The following SLC5A6 variants were observed in gnomAD, a reference collection of about 807,000 sequenced individuals.
SLC5A6 encodes the protein sodium-dependent multivitamin transporter.
A neutral mutation model predicts 67.9 loss-of-function variants in SLC5A6; 31 were observed. The observed-to-expected ratio is 0.46, with a 90% CI of 0.34 to 0.62. The LOEUF (loss-of-function observed/expected upper bound fraction) is 0.62, where lower values mean the gene tolerates loss of function less well. Ranked by LOEUF, SLC5A6 falls within the 20% of genes least tolerant of loss-of-function variation. The probability of loss-of-function intolerance (pLI) is 0.01; values close to 1 mark genes in which losing one functional copy is unlikely to be tolerated. For synonymous variants in SLC5A6, 343 were observed against 331.0 expected (o/e 1.04, Z -0.39); for missense variants, 673 against 812.8 (o/e 0.83, Z 2.09).
At chr2:27,200,683 C>T in intron 16 of SLC5A6, 104 bp from the exon 17 acceptor site, 1 of 1,220,682 alleles carries the variant, frequency 8.2e-7, no homozygotes, top group Non-Finnish European at 1.1e-6. Flanking sequence ...CCCAGCAAGG[C>T]TGGGTTCGGG....
In SLC5A6 at chr2:27,205,470, A is replaced by C; in HGVS notation, c.614T>G (p.Phe205Cys). The C allele has an allele frequency of 1.2e-6, 2 of 1,614,208 alleles. No homozygotes were observed. Among genetic ancestry groups the C allele is most frequent in the Non-Finnish European group, 1.7e-6 (2 of 1,180,032 alleles). The change falls in exon 7 of 17, where the codon TTC (phenylalanine) becomes TGC (cysteine). Residue 205 changes from phenylalanine (F) to cysteine (C), a missense_variant. Phe to Cys is a radical substitution (Grantham distance 205). Coordinates refer to ENST00000310574, the MANE Select transcript of SLC5A6 (RefSeq NM_021095.4). Reference protein sequence around the residue: ...GLKAVIWTDVFQTLVMFLGQL... With the variant: ...GLKAVIWTDVCQTLVMFLGQL... The stretch of plus-strand genomic sequence containing the variant: ...CCCGAGGAACATGACCAGTGTCTGG[A>C]ACACATCTGTCCAGATGACGGCCTT...
At chr2:27,205,212 G>T in intron 7 of SLC5A6, 138 bp downstream of exon 7, 1 of 867,346 alleles carries the variant, frequency 1.2e-6, no homozygotes, top group Non-Finnish European at 1.8e-6. Context: ...CATCTCTGCA[G>T]GACCAGTTTC....
upstream of SLC5A6, chr2:27,212,318 G>GGGGCCGCGGGGCC (rs1178461958): frequency 1.3e-6 from 2 of 1,549,070 alleles, no homozygotes; most frequent in Non-Finnish European, 8.7e-7. Context: ...GCTGCGGGGC[G>GGGGCCGCGGGGCC]GGGCCGCGGG....
intron 16 of SLC5A6, 90 bp downstream of exon 16, chr2:27,200,908 G>C (rs1673574391): frequency 1.2e-6 from 1 of 829,578 alleles, no homozygotes; most frequent in South Asian, 1.6e-5. Flanking sequence ...CCCGGGGCAG[G>C]GGGAGAGAAA....
intron 8 of SLC5A6, 27 bp downstream of exon 8, chr2:27,204,764 C>G: frequency 6.2e-7 from 1 of 1,613,946 alleles, no homozygotes; most frequent in Non-Finnish European, 8.5e-7. Flanking sequence ...AGACCTTGCT[C>G]CACTCCCTTC....
intron 1 of SLC5A6, 182 bp downstream of exon 1, chr2:27,211,838 G>T (rs1391841719): frequency 1.5e-5 from 2 of 136,138 alleles, no homozygotes; most frequent in Non-Finnish European, 2.8e-5. Context: ...CCTTGTCCCC[G>T]CCCCGGCTCA....
At chr2:27,203,189 C>T in intron 11 of SLC5A6, 44 bp downstream of exon 11, 4 of 1,611,928 alleles carry the variant, frequency 2.5e-6, no homozygotes, top group Non-Finnish European at 3.4e-6. Context: ...CAGGATGAAG[C>T]TTAGAAAGAC....
rs1438746447 is a variant in SLC5A6 at position 27,202,053 on chromosome 2, T to C, written c.1297A>G (p.Met433Val). ...VLQAAISIFG[M>V]VGGPLLGLFC... is the part of the protein sequence containing the mutation. ...AGTCCCAGCAGCGGTCCCCCAACCATGCCAAAGATGCTGATTGCTGCCTAG... is the reference window on the plus strand; with the variant it reads ...AGTCCCAGCAGCGGTCCCCCAACCACGCCAAAGATGCTGATTGCTGCCTAG... The change falls in exon 13 of 17, where the codon ATG becomes GTG. Residue 433 changes from methionine (M) to valine (V), a missense_variant. Coordinates refer to ENST00000310574, the MANE Select transcript of SLC5A6 (RefSeq NM_021095.4). 2.5e-6 allele frequency: 4 copies of C among 1,613,838 alleles called. No homozygotes were observed. Among genetic ancestry groups the C allele is most frequent in the Non-Finnish European group, 3.4e-6 (4 of 1,179,896 alleles).
chr2:27,210,493 C>T (rs1674396461), intron 2 of SLC5A6, among the ~76,000 whole-genome samples: 1 of 150,704 alleles, frequency 6.6e-6, no homozygotes, highest in South Asian at 2.1e-4. Flanking sequence ...TGCAGTGACA[C>T]GATCTCGGCT....
rs1308259221 is a variant in SLC5A6 at position 27,204,496 on chromosome 2, T to C, written c.970A>G (p.Met324Val). ...GCTGCCTGAGCCTGCTGAATGCTCATGGGATACTCCTGGTAATACGCGAAC... is the reference window on the plus strand; with the variant it reads ...GCTGCCTGAGCCTGCTGAATGCTCACGGGATACTCCTGGTAATACGCGAAC... ...VMFAYYQEYP[M>V]SIQQAQAAPD... The change falls in exon 9 of 17, where the codon ATG (methionine) becomes GTG (valine). Residue 324 changes from methionine to valine, a missense_variant. Coordinates refer to ENST00000310574, the MANE Select transcript of SLC5A6 (RefSeq NM_021095.4). 4.3e-6 allele frequency: 7 copies of C among 1,613,838 alleles called. No individual in the cohort carries two copies. In the African/African-American group the frequency reaches 6.7e-5, roughly 15 times the overall value.
intron 2 of SLC5A6, among the ~76,000 whole-genome samples, chr2:27,211,218 A>G (rs1674469553): frequency 6.6e-6 from 1 of 152,160 alleles, no homozygotes; most frequent in South Asian, 2.1e-4. Flanking sequence ...TTAAAATGCT[A>G]ATAGCTACTA....
Position 27,204,583 on chromosome 2 carries a change from A to G in SLC5A6, c.883T>C (p.Tyr295His). 6.2e-7 allele frequency: 1 copy of G among 1,614,022 alleles called. No individual in the cohort carries two copies. Among genetic ancestry groups the G allele is most frequent in the Non-Finnish European group, 8.5e-7 (1 of 1,179,938 alleles). Residue 295 changes from tyrosine (Y) to histidine (H), a missense_variant, in exon 9 of 17, where the codon TAT becomes CAT. Physicochemically the swap from Tyr to His is moderately conservative, Grantham distance 83. Transcript: ENST00000310574. ...ACCTGCTGGAAGGGGAACACTGCAT[A>G]ACAGGAGCTGCAAAAGAGGTCAGTG... ...RTEKAAVLSC[Y>H]AVFPFQQVSL...
At position 27,212,101 on chromosome 2, in the gene SLC5A6, C is replaced by G. The variant is rs928120508; in HGVS notation, c.-289G>C. ...GCGGGGAACACCGGGCTGAGGGAGT[C>G]TGCAGTCGGCTCCGGGAAGCCGCGC... On this transcript the variant is annotated 5_prime_UTR_variant, in exon 1 of 17. Transcript: ENST00000310574. 2 of 1,457,238 alleles carry G rather than the reference C, an allele frequency of 1.4e-6. No individual in the cohort carries two copies. Among genetic ancestry groups the G allele is most frequent in the East Asian group, 2.7e-5 (1 of 37,330 alleles). The allele number at this position is 1,457,238 out of a possible 1,614,324, so 90.3% of individuals were successfully genotyped here.
chr2:27,203,952 G>A (rs1673847946), intron 9 of SLC5A6, 85 bp from the exon 10 acceptor site: 3 of 955,448 alleles, frequency 3.1e-6, no homozygotes, highest in Non-Finnish European at 4.9e-6. Flanking sequence ...CTTTACATGT[G>A]CCCCAGCGAG....
In SLC5A6 at chr2:27,200,120, C is replaced by T. The variant is rs1274104750; in HGVS notation, c.*316G>A. 4.2e-6 allele frequency: 1 copy of T among 237,868 alleles called. No individual in the cohort carries two copies. Among genetic ancestry groups the T allele is most frequent in the Non-Finnish European group, 8.1e-6 (1 of 122,732 alleles). 14.7% of individuals were successfully genotyped at this position (237,868 alleles called of 1,614,324 possible). A position where few individuals can be genotyped will look rare whatever the true frequency, so the allele number is the denominator to read the frequency against. On this transcript the variant is annotated 3_prime_UTR_variant, in exon 17 of 17. Coordinates refer to ENST00000310574, the MANE Select transcript of SLC5A6 (RefSeq NM_021095.4). ...AGCCACTTACTTCAAAGGACTATGG[C>T]TATGTTGAATCAGAAGCCATTATCT...
chr2:27,205,248 C>A, intron 7 of SLC5A6, 102 bp downstream of exon 7: 1 of 1,214,294 alleles, frequency 8.2e-7, no homozygotes, highest in African/African-American at 1.5e-5. Context: ...ACACCTCAGG[C>A]TTCCCAGTTT....
Position 27,202,870 on chromosome 2 carries a change from A to G in SLC5A6, c.1218T>C (p.Tyr406=), listed in dbSNP as rs112664535. The G allele has an allele frequency of 1.9e-6, 3 of 1,614,012 alleles. No homozygotes were observed. The highest frequency in any genetic ancestry group is 1.3e-5 in the African/African-American group (1 of 75,056). ...AGGCCATTCCTAGACAAAGCAGCCC[A>G]TAGCCAAAGGCTGGGGGAAAAGGAC... ...IMLSRGLAFG[Y]GLLCLGMAYI... is the part of the protein sequence containing the mutation. The change falls in exon 12 of 17, where the codon TAT becomes TAC. Residue 406 remains tyrosine (Y), a synonymous_variant. Transcript: ENST00000310574.
In SLC5A6 at chr2:27,203,290, G is replaced by A. The variant is rs1489656926; in HGVS notation, c.1150C>T (p.Arg384Ter). The part of the protein sequence containing the change: ...LATVTMEDLI[R>*]PWFPEFSEAR... Reference sequence around the variant, plus strand: ...TCAGAGAACTCAGGGAACCAAGGTCGAATCAGGTCTTCCATCGTAACAGTT... The same window carrying A: ...TCAGAGAACTCAGGGAACCAAGGTCAAATCAGGTCTTCCATCGTAACAGTT... The change falls in exon 11 of 17, where the codon CGA becomes TGA. Residue 384 changes from arginine to a stop codon, truncating the protein, a stop_gained. Coordinates refer to ENST00000310574, the MANE Select transcript of SLC5A6 (RefSeq NM_021095.4). LOFTEE classifies it high-confidence loss of function. 1.6e-5 allele frequency: 26 copies of A among 1,613,990 alleles called. No individual in the cohort carries two copies. In the Admixed American group the frequency reaches 3.8e-4, roughly 24 times the overall value.
At chr2:27,203,490 G>T in intron 10 of SLC5A6, 145 bp from the exon 11 acceptor site, 1 of 720,146 alleles carries the variant, frequency 1.4e-6, no homozygotes, top group Non-Finnish European at 2.3e-6. Flanking sequence ...TGCCACCTCA[G>T]AGCGGGCCTG....
Sources: gnomAD v4.1 joint callset for allele counts (sites outside exome capture counted in the v4.1 genomes callset) on GRCh38, gnomAD v4.1.1 for gene constraint, MANE v1.5 for transcripts, NCBI Gene and HGNC (gene_info 2026-07-23, HGNC 2026-07-21) for gene names.